Variants in UCK2 observed in about 807,000 individuals in gnomAD.
UCK2 encodes uridine-cytidine kinase 2, also known as cytidine monophosphokinase 2.
Under a neutral mutation model 30.8 loss-of-function variants are expected in UCK2, and 6 were observed. The ratio of observed to expected loss-of-function variants is 0.19; its 90% CI spans 0.11 to 0.38. The LOEUF is 0.38. Among genes scored for constraint, UCK2 ranks in the 10% least tolerant of loss-of-function variants. The pLI is 1.00. For missense variants in UCK2, 210 were observed against 339.8 expected, an observed-to-expected ratio of 0.62 and a Z score of 3.00; for synonymous variants, 125 against 133.6, an observed-to-expected ratio of 0.94 and a Z score of 0.45.
chr1:165,907,603 C>T, intron 6 of UCK2, 81 bp from the exon 7 acceptor site: 1 of 1,529,034 alleles, frequency 6.5e-7, no homozygotes, highest in Non-Finnish European at 8.8e-7. Flanking sequence ...TTCCTGCATG[C>T]CCTTCCCCCA....
At chr1:165,828,656 G>C (rs534928001) in intron 1 of UCK2, among the ~76,000 whole-genome samples, 1 of 152,328 alleles carries the variant, frequency 6.6e-6, no homozygotes, top group East Asian at 1.9e-4. Context: ...GGACGTACGC[G>C]TCTTGGATCC....
chr1:165,848,143 A>G (rs928719204), intron 1 of UCK2, among the ~76,000 whole-genome samples: 3 of 152,258 alleles, frequency 2.0e-5, no homozygotes, highest in African/African-American at 7.2e-5. Flanking sequence ...ACCTGAGTTG[A>G]AAAAGTTGGG....
chr1:165,905,063 G>A (rs1298783105), intron 5 of UCK2, among the ~76,000 whole-genome samples: 1 of 152,202 alleles, frequency 6.6e-6, no homozygotes, highest in Non-Finnish European at 1.5e-5. Context: ...AGGTGAACCA[G>A]TCCCCTGGAA....
intron 3 of UCK2, among the ~76,000 whole-genome samples, chr1:165,893,107 T>C (rs1445375687): frequency 6.6e-6 from 1 of 152,142 alleles, no homozygotes; most frequent in African/African-American, 2.4e-5. Context: ...AAGAAGCCTT[T>C]GGAACAGCCC....
At chr1:165,886,140 T>G (rs910591599) in intron 1 of UCK2, among the ~76,000 whole-genome samples, 1 of 152,218 alleles carries the variant, frequency 6.6e-6, no homozygotes, top group African/African-American at 2.4e-5. Flanking sequence ...TGAAATCCTA[T>G]GGTATTTGTC....
intron 1 of UCK2, among the ~76,000 whole-genome samples, chr1:165,862,474 G>A (rs188239751): frequency 6.6e-6 from 1 of 152,332 alleles, no homozygotes; most frequent in Admixed American, 6.5e-5. Flanking sequence ...GATTAGCAGT[G>A]TTTCACAGCC....
chr1:165,896,397 C>T, intron 4 of UCK2, 65 bp downstream of exon 4: 4 of 1,590,232 alleles, frequency 2.5e-6, no homozygotes, highest in Non-Finnish European at 3.4e-6. Context: ...AGCTGGGAGC[C>T]TGTGACAGGA....
chr1:165,895,651 C>A (rs1234471351), intron 3 of UCK2: 1 of 985,670 alleles, frequency 1.0e-6, no homozygotes, highest in African/African-American at 1.7e-5. Context: ...CGTCTGTATC[C>A]TCTTTCCCAA....
At chr1:165,888,325 C>T (rs1278427149) in intron 1 of UCK2, among the ~76,000 whole-genome samples, 1 of 151,912 alleles carries the variant, frequency 6.6e-6, no homozygotes, top group Non-Finnish European at 1.5e-5. Context: ...TGCAGTCTCA[C>T]TCTGTTGCCC....
intron 1 of UCK2, among the ~76,000 whole-genome samples, chr1:165,887,491 T>C (rs1432221848): frequency 2.0e-5 from 3 of 152,238 alleles, no homozygotes; most frequent in Non-Finnish European, 4.4e-5. Flanking sequence ...ATGGGATTGC[T>C]ATTTACATTA....
chr1:165,898,532 C>T (rs1196404360), intron 4 of UCK2, among the ~76,000 whole-genome samples: 2 of 152,142 alleles, frequency 1.3e-5, no homozygotes, highest in Non-Finnish European at 2.9e-5. Flanking sequence ...TAGTGATGCC[C>T]GGACTGATGC....
chr1:165,883,005 T>C (rs529841866), intron 1 of UCK2, among the ~76,000 whole-genome samples: 22 of 152,272 alleles, frequency 1.4e-4, no homozygotes, highest in Non-Finnish European at 2.4e-4. Context: ...TTTGTATTTT[T>C]AGTAGAGACC....
At chr1:165,907,335 A>G (rs1274527916) in intron 6 of UCK2, among the ~76,000 whole-genome samples, 1 of 152,154 alleles carries the variant, frequency 6.6e-6, no homozygotes, top group Non-Finnish European at 1.5e-5. Flanking sequence ...TCTCATAGCT[A>G]ATTGACGTGT....
At chr1:165,844,299 G>GAGGTATTCCAAGTAAGAAGTAAAAAT (rs1654396366) in intron 1 of UCK2, among the ~76,000 whole-genome samples, 1 of 152,240 alleles carries the variant, frequency 6.6e-6, no homozygotes, top group South Asian at 2.1e-4. Context: ...GGATGAACAC[G>GAGGTATTCCAAGTAAGAAGTAAAAAT]AGGTATTCCA....
chr1:165,888,594 T>C (rs1008776183), intron 1 of UCK2, among the ~76,000 whole-genome samples: 14 of 151,896 alleles, frequency 9.2e-5, no homozygotes, highest in African/African-American at 3.4e-4. Context: ...GGCCTAAATA[T>C]GCTGTTTTTC....
At chr1:165,836,295 C>G (rs1341248506) in intron 1 of UCK2, among the ~76,000 whole-genome samples, 1 of 152,014 alleles carries the variant, frequency 6.6e-6, no homozygotes, top group Non-Finnish European at 1.5e-5. Context: ...AAGAAAACAT[C>G]TTGATGAGAT....
rs369409644 is a variant in UCK2 at position 165,906,021 on chromosome 1, T to C, written c.646+52T>C. On this transcript the variant is annotated intron_variant, in intron 6 of 6. Coordinates refer to ENST00000367879, the MANE Select transcript of UCK2 (RefSeq NM_012474.5). ...GAGTATAATGTCTGCCCTTTGTCAG[T>C]CATAATTTGGGGCAGGATGTGGTGA... The C allele has an allele frequency of 3.2e-6, 5 of 1,572,708 alleles. No individual in the cohort carries two copies. The African/African-American group carries it at 5.4e-5, about 17-fold the overall frequency.
At chr1:165,907,223 A>G (rs923153951) in intron 6 of UCK2, among the ~76,000 whole-genome samples, 3 of 152,226 alleles carry the variant, frequency 2.0e-5, no homozygotes, top group African/African-American at 4.8e-5. Context: ...TAATGCTAAT[A>G]AAAGATAGCT....
intron 1 of UCK2, among the ~76,000 whole-genome samples, chr1:165,836,471 G>A (rs1249612511): frequency 6.6e-6 from 1 of 152,150 alleles, no homozygotes; most frequent in African/African-American, 2.4e-5. Context: ...CTTAGACTCA[G>A]TTTTTACCTT....
Sources: allele counts gnomAD v4.1 joint callset (sites outside exome capture counted in the v4.1 genomes callset), GRCh38; gene constraint gnomAD v4.1.1; transcripts MANE v1.5; gene names NCBI Gene and HGNC (gene_info 2026-07-23, HGNC 2026-07-21).